The following KATNAL1 variants were observed in gnomAD, a reference collection of about 807,000 sequenced individuals.
KATNAL1 encodes katanin catalytic subunit A1 like 1.
KATNAL1 carries 32 observed loss-of-function variants against 55.2 expected under a neutral mutation model. The ratio of observed to expected loss-of-function variants is 0.58; its 90% confidence interval spans 0.44 to 0.78. The LOEUF (loss-of-function observed/expected upper bound fraction) is 0.78, where lower values mean the gene tolerates loss of function less well. Among genes scored for constraint, KATNAL1 ranks in the 30% least tolerant of loss-of-function variants. The pLI is 0.00. For synonymous variants in KATNAL1, 193 were observed against 193.6 expected (o/e 1.00, Z 0.02); for missense variants, 466 against 600.9 (o/e 0.78, Z 2.35).
chr13:30,292,170 C>G (rs1472617457), intron 1 of KATNAL1, among the ~76,000 whole-genome samples: 1 of 152,142 alleles, frequency 6.6e-6, no homozygotes. Flanking sequence ...AACCAAAGTG[C>G]CAGAGCAATT....
chr13:30,277,514 CTAAGTGAAAATCTTAT>C (rs1410145898), intron 3 of KATNAL1, among the ~76,000 whole-genome samples: 2 of 152,174 alleles, frequency 1.3e-5, no homozygotes, highest in African/African-American at 4.8e-5. Context: ...TTCACTATCG[CTAAGTGAAAATCTTAT>C]TATATTTGTT....
intron 3 of KATNAL1, among the ~76,000 whole-genome samples, chr13:30,277,929 G>T (rs796232682): frequency 2.2e-4 from 30 of 134,866 alleles, no homozygotes; most frequent in African/African-American, 7.5e-4. Context: ...CTTGCAGTGA[G>T]CCGAGATTGC....
At chr13:30,247,283 A>C (rs1877887190) in intron 4 of KATNAL1, among the ~76,000 whole-genome samples, 1 of 152,194 alleles carries the variant, frequency 6.6e-6, no homozygotes, top group African/African-American at 2.4e-5. Context: ...TTAAGACTTT[A>C]TTTTACAAAG....
intron 1 of KATNAL1, among the ~76,000 whole-genome samples, chr13:30,284,027 A>G (rs201201214): frequency 6.6e-6 from 1 of 151,904 alleles, no homozygotes; most frequent in Non-Finnish European, 1.5e-5. Context: ...TGCCCGGCTA[A>G]TTTTTGTATT....
chr13:30,227,756 TTTTC>T (rs896172709), intron 8 of KATNAL1, among the ~76,000 whole-genome samples: 16 of 149,732 alleles, frequency 1.1e-4, no homozygotes, highest in South Asian at 8.4e-4. Context: ...GGGATTTTTT[TTTTC>T]TTTCTTTTTT....
At chr13:30,253,500 A>G (rs990238319) in intron 4 of KATNAL1, among the ~76,000 whole-genome samples, 1 of 151,986 alleles carries the variant, frequency 6.6e-6, no homozygotes, top group Non-Finnish European at 1.5e-5. Flanking sequence ...CGCCTCCACT[A>G]AAAATACAAA....
rs2137323233 is a variant in KATNAL1 at position 30,205,675 on chromosome 13, CTGGG to C, written c.*2861_*2864del. ...GTGTGATGTACATTAAAAGTTAGGG[CTGGG>C]CACAGTGGCTCACGCCTGTAATCCA... On this transcript the variant is annotated 3_prime_UTR_variant, in exon 11 of 11. Coordinates refer to ENST00000380615, the MANE Select transcript of KATNAL1 (RefSeq NM_032116.5). The C allele has an allele frequency of 7.1e-6, 1 of 140,968 alleles. No homozygotes were observed. The highest frequency in any genetic ancestry group is 2.8e-5 in the African/African-American group (1 of 35,568). 8.7% of individuals were successfully genotyped at this position (140,968 alleles called of 1,614,324 possible).
rs115713422 is a variant in KATNAL1, at chr13:30,250,153, A to G, written c.492+5294T>C. On this transcript the variant is annotated intron_variant, in intron 4 of 10. Coordinates refer to ENST00000380615, the MANE Select transcript of KATNAL1 (RefSeq NM_032116.5). ...GAAATCCATCATACAGGTGGTATTT[A>G]TATCACAGAATTAGCAAATGCTATA... Among the ~76,000 whole-genome samples the G allele has an allele frequency of 9.6e-3, 1,469 of 152,352 alleles. 26 individuals carry two copies. Among genetic ancestry groups the G allele is most frequent in the African/African-American group, 0.033 (1,377 of 41,588 alleles).
At chr13:30,306,085 A>G (rs1415432291) in intron 1 of KATNAL1, among the ~76,000 whole-genome samples, 1 of 152,166 alleles carries the variant, frequency 6.6e-6, no homozygotes, top group Non-Finnish European at 1.5e-5. Flanking sequence ...ACTCACAATA[A>G]TATCAACAAT....
intron 6 of KATNAL1, among the ~76,000 whole-genome samples, chr13:30,238,255 C>T (rs989695655): frequency 2.6e-5 from 4 of 152,138 alleles, no homozygotes; most frequent in African/African-American, 9.7e-5. Flanking sequence ...AGTTCTAAGG[C>T]CTCATTAATT....
At chr13:30,209,301 G>C (rs1288091240) in intron 10 of KATNAL1, among the ~76,000 whole-genome samples, 2 of 152,112 alleles carry the variant, frequency 1.3e-5, no homozygotes, top group African/African-American at 4.8e-5. Flanking sequence ...TAAATATGAA[G>C]GTCTGGAAGA....
intron 9 of KATNAL1, among the ~76,000 whole-genome samples, chr13:30,212,104 T>G (rs988737723): frequency 2.6e-5 from 4 of 152,166 alleles, no homozygotes; most frequent in African/African-American, 4.8e-5. Flanking sequence ...GTTGTAAGTA[T>G]TTTATAACAG....
chr13:30,211,510 T>A (rs1873685624), intron 9 of KATNAL1, among the ~76,000 whole-genome samples: 1 of 152,244 alleles, frequency 6.6e-6, no homozygotes. Flanking sequence ...CAAGCCTTTA[T>A]AACTTTTACA....
At chr13:30,303,318 C>G (rs1255561966) in intron 1 of KATNAL1, among the ~76,000 whole-genome samples, 1 of 152,174 alleles carries the variant, frequency 6.6e-6, no homozygotes. Context: ...TGGCAAATGC[C>G]CATATCTCAC....
At chr13:30,254,161 G>A (rs181980093) in intron 4 of KATNAL1, among the ~76,000 whole-genome samples, 308 of 152,072 alleles carry the variant, frequency 2.0e-3, no homozygotes, top group Non-Finnish European at 3.8e-3. Flanking sequence ...GATTTCAGCC[G>A]GTACTGTATT....
chr13:30,279,670 T>C (rs1233584621), intron 3 of KATNAL1, among the ~76,000 whole-genome samples: 2 of 152,144 alleles, frequency 1.3e-5, no homozygotes, highest in African/African-American at 4.8e-5. Context: ...ACTCTGGAAA[T>C]TGACTGTAGG....
At chr13:30,245,625 CA>C (rs1877713422) in intron 4 of KATNAL1, among the ~76,000 whole-genome samples, 1 of 152,204 alleles carries the variant, frequency 6.6e-6, no homozygotes, top group African/African-American at 2.4e-5. Context: ...TCTCTGTTTG[CA>C]GATGACATGA....
chr13:30,280,142 G>A lies in KATNAL1; in HGVS notation c.244C>T (p.Pro82Ser). 1 of 1,613,372 alleles carries A rather than the reference G, an allele frequency of 6.2e-7. No homozygotes were observed. The highest frequency in any genetic ancestry group is 8.5e-7 in the Non-Finnish European group (1 of 1,179,704). ...TLESFKIDKP[P>S]DFPVSCQDEP... ...TCTTGACAGGACACAGGGAAATCTG[G>A]AGGCTTGTCAATTTTAAAACTTTCT... Residue 82 changes from proline (P) to serine (S), a missense_variant, in exon 3 of 11, where the codon CCA becomes TCA. By Grantham distance (74) the Pro-to-Ser change is moderately conservative (BLOSUM62 -1). Coordinates refer to ENST00000380615, the MANE Select transcript of KATNAL1 (RefSeq NM_032116.5).
chr13:30,271,878 GAAAAAAAA>G (rs71299873), intron 3 of KATNAL1, among the ~76,000 whole-genome samples: 198 of 76,784 alleles, frequency 2.6e-3, no homozygotes, highest in Non-Finnish European at 3.6e-3. Flanking sequence ...AAGAAAAGAG[GAAAAAAAA>G]AAAAAAAAAA....
Sources: gnomAD v4.1 joint callset for allele counts (sites outside exome capture counted in the v4.1 genomes callset) on GRCh38, gnomAD v4.1.1 for gene constraint, MANE v1.5 for transcripts, NCBI Gene and HGNC (gene_info 2026-07-23, HGNC 2026-07-21) for gene names.